Variants in SLIT2 observed in about 807,000 individuals in gnomAD.
SLIT2 encodes the protein slit guidance ligand 2.
SLIT2 carries 41 observed loss-of-function variants against 185.7 expected under a neutral mutation model. The ratio of observed to expected loss-of-function variants is 0.22; its 90% CI spans 0.17 to 0.29. The LOEUF (loss-of-function observed/expected upper bound fraction) is 0.29, where lower values mean the gene tolerates loss of function less well. Among genes scored for constraint, SLIT2 ranks in the 10% least tolerant of loss-of-function variants. SLIT2 has a pLI of 1.00. For missense variants in SLIT2, 1,571 were observed against 1,909.0 expected (o/e 0.82, Z 3.30); for synonymous variants, 693 against 680.2 (o/e 1.02, Z -0.29).
intron 4 of SLIT2, among the ~76,000 whole-genome samples, chr4:20,372,880 G>C (rs1429269490): frequency 3.3e-5 from 5 of 151,976 alleles, no homozygotes; most frequent in Admixed American, 3.3e-4. Flanking sequence ...GTTTACAAAT[G>C]AATAAATGTC....
intron 4 of SLIT2, among the ~76,000 whole-genome samples, chr4:20,273,554 C>A (rs1009213205): frequency 9.9e-5 from 15 of 151,854 alleles, no homozygotes; most frequent in African/African-American, 3.6e-4. Context: ...TAATGGAGAA[C>A]CAAATTAAAT....
At chr4:20,557,403 A>G (rs554910430) in intron 26 of SLIT2, among the ~76,000 whole-genome samples, 1 of 152,148 alleles carries the variant, frequency 6.6e-6, no homozygotes, top group Admixed American at 6.5e-5. Flanking sequence ...AGCCCTTGAT[A>G]ATTACGGTAA....
intron 32 of SLIT2, 43 bp from the exon 33 acceptor site, chr4:20,598,222 G>A (rs1477441611): frequency 6.2e-7 from 1 of 1,604,154 alleles, no homozygotes; most frequent in Admixed American, 1.7e-5. Flanking sequence ...AATACGTTTG[G>A]TTGCGTACAC....
chr4:20,508,165 A>T (rs756013327), intron 9 of SLIT2, among the ~76,000 whole-genome samples: 2 of 152,034 alleles, frequency 1.3e-5, no homozygotes, highest in Non-Finnish European at 2.9e-5. Context: ...TGTCTTCTGG[A>T]GTAAATCCAC....
At chr4:20,513,480 C>G (rs1288146227) in intron 11 of SLIT2, among the ~76,000 whole-genome samples, 2 of 152,156 alleles carry the variant, frequency 1.3e-5, no homozygotes, top group Non-Finnish European at 2.9e-5. Flanking sequence ...TGCAATAGCT[C>G]TTTTCTTCAT....
rs1729941318 is a variant in SLIT2, at chr4:20,619,674, T to A, written c.*665T>A. ...TTTGTAATATAAATGATAAAGGAGATGATAAAGAACCAATAGATTATTGAT... is the reference window on the plus strand; with the variant it reads ...TTTGTAATATAAATGATAAAGGAGAAGATAAAGAACCAATAGATTATTGAT... On this transcript the variant is annotated 3_prime_UTR_variant, in exon 37 of 37. Coordinates refer to ENST00000504154, the MANE Select transcript of SLIT2 (RefSeq NM_004787.4). 1 of 152,128 alleles carries A rather than the reference T, an allele frequency of 6.6e-6. No homozygotes were observed. Among genetic ancestry groups the A allele is most frequent in the South Asian group, 2.1e-4 (1 of 4,824 alleles). The allele number at this position is 152,128 out of a possible 1,614,324, so 9.4% of individuals were successfully genotyped here. A position where few individuals can be genotyped will look rare whatever the true frequency, so the allele number is the denominator to read the frequency against.
intron 4 of SLIT2, among the ~76,000 whole-genome samples, chr4:20,358,243 T>C (rs1277904255): frequency 6.6e-6 from 1 of 152,118 alleles, no homozygotes; most frequent in African/African-American, 2.4e-5. Context: ...TAAGGTAAGT[T>C]ATATGTTAGA....
At chr4:20,481,546 C>T (rs1447726364) in intron 6 of SLIT2, among the ~76,000 whole-genome samples, 1 of 152,058 alleles carries the variant, frequency 6.6e-6, no homozygotes, top group Non-Finnish European at 1.5e-5. Flanking sequence ...ACAATTCCTC[C>T]ACCAATTAAA....
At chr4:20,363,949 C>T (rs1374317482) in intron 4 of SLIT2, among the ~76,000 whole-genome samples, 1 of 152,046 alleles carries the variant, frequency 6.6e-6, no homozygotes, top group East Asian at 1.9e-4. Flanking sequence ...AAATTGCAAA[C>T]GTGTTTTTAA....
chr4:20,594,371 A>G (rs1175156480), intron 30 of SLIT2, among the ~76,000 whole-genome samples: 1 of 151,744 alleles, frequency 6.6e-6, no homozygotes, highest in Non-Finnish European at 1.5e-5. Context: ...TTATGTGTAT[A>G]TGTATGTATA....
chr4:20,328,451 A>G (rs1293597042), intron 4 of SLIT2, among the ~76,000 whole-genome samples: 1 of 152,070 alleles, frequency 6.6e-6, no homozygotes, highest in African/African-American at 2.4e-5. Context: ...CCAAACTCCT[A>G]AAATTTGCTA....
intron 4 of SLIT2, among the ~76,000 whole-genome samples, chr4:20,415,410 C>CAAAAAAAA (rs371123614): frequency 1.5e-5 from 1 of 65,470 alleles, no homozygotes; most frequent in Non-Finnish European, 2.7e-5. Context: ...GACTCCGTCT[C>CAAAAAAAA]AAAAAAAAAA....
rs1310426731 is a variant in SLIT2 at position 20,539,530 on chromosome 4, A to G, written c.1922A>G (p.Gln641Arg). 6.2e-7 allele frequency: 1 copy of G among 1,613,466 alleles called. No homozygotes were observed. Among genetic ancestry groups the G allele is most frequent in the Non-Finnish European group, 8.5e-7 (1 of 1,179,452 alleles). The stretch of plus-strand genomic sequence containing the variant: ...CGTTTGCTTTCTTTGTATGATAATC[A>G]AATTACTACAGTTGCACCAGGGGCA... ...SVRLLSLYDN[Q>R]ITTVAPGAFD... Residue 641 changes from glutamine (Q) to arginine (R), a missense_variant, in exon 19 of 37, where the codon CAA becomes CGA. Around this residue, in one of 3 missense-constraint regions of SLIT2, gnomAD observed 1,202 missense variants for 1,416.4 expected, o/e 0.85. Coordinates refer to ENST00000504154, the MANE Select transcript of SLIT2 (RefSeq NM_004787.4).
chr4:20,472,379 T>A (rs1056960348), intron 5 of SLIT2, among the ~76,000 whole-genome samples: 2 of 44,578 alleles, frequency 4.5e-5, no homozygotes, highest in African/African-American at 2.5e-4. Flanking sequence ...TCTATATCTA[T>A]ATATATGTAG....
intron 4 of SLIT2, among the ~76,000 whole-genome samples, chr4:20,391,891 C>A (rs941027138): frequency 5.3e-5 from 8 of 151,936 alleles, no homozygotes; most frequent in African/African-American, 1.9e-4. Flanking sequence ...TACTAGTGTG[C>A]CATCTTCTAG....
intron 4 of SLIT2, among the ~76,000 whole-genome samples, chr4:20,456,960 A>G (rs1041733133): frequency 3.9e-5 from 6 of 152,128 alleles, no homozygotes; most frequent in Non-Finnish European, 7.4e-5. Context: ...ATCATGAAAA[A>G]AAATATCTCT....
intron 3 of SLIT2, among the ~76,000 whole-genome samples, chr4:20,267,550 T>A (rs998156057): frequency 6.6e-6 from 1 of 151,828 alleles, no homozygotes; most frequent in Non-Finnish European, 1.5e-5. Context: ...AAAAATTATA[T>A]CATTTTCCAA....
chr4:20,335,288 G>C (rs1040774461), intron 4 of SLIT2, among the ~76,000 whole-genome samples: 1 of 152,066 alleles, frequency 6.6e-6, no homozygotes, highest in South Asian at 2.1e-4. Flanking sequence ...GGAGCTGCAG[G>C]GTGAAGCCAA....
chr4:20,476,188 A>G (rs1343821502), intron 5 of SLIT2, among the ~76,000 whole-genome samples: 2 of 152,148 alleles, frequency 1.3e-5, no homozygotes, highest in Non-Finnish European at 2.9e-5. Flanking sequence ...TAAAAGCATG[A>G]TTGGCATAAA....
Sources: allele counts gnomAD v4.1 joint callset (sites outside exome capture counted in the v4.1 genomes callset), GRCh38; gene constraint gnomAD v4.1.1; regional missense constraint gnomAD v4.1.1; transcripts MANE v1.5; gene names NCBI Gene and HGNC (gene_info 2026-07-23, HGNC 2026-07-21).